GEMIN2: variants seen among roughly 807,000 people sequenced by gnomAD.
GEMIN2 encodes the protein gem nuclear organelle associated protein 2.
A neutral mutation model predicts 45.8 loss-of-function variants in GEMIN2; 37 were observed. The observed-to-expected ratio is 0.81, with a 90% CI of 0.62 to 1.06. The LOEUF (loss-of-function observed/expected upper bound fraction) is 1.06, where lower values mean the gene tolerates loss of function less well. Ranked by LOEUF, GEMIN2 falls within the 50% of genes least tolerant of loss-of-function variation. The probability of loss-of-function intolerance (pLI) is 0.00; values close to 1 mark genes in which losing one functional copy is unlikely to be tolerated. For missense variants in GEMIN2, 335 were observed against 321.8 expected (o/e 1.04, Z -0.31); for synonymous variants, 101 against 111.5 (o/e 0.91, Z 0.60).
At position 39,134,572 on chromosome 14, in the gene GEMIN2, A is replaced by G. The variant is rs537907299; in HGVS notation, c.770+853A>G. ...TGGGAAGGCAAGTAATCTTGTTTCC[A>G]TATTTTCACATATTCAATATCTAGT... is the stretch of plus-strand genomic sequence containing the variant. On this transcript the variant is annotated intron_variant, in intron 9 of 9. Transcript: ENST00000308317. 7.2e-5 allele frequency among the ~76,000 whole-genome samples: 11 copies of G among 152,312 alleles called. No individual in the cohort carries two copies. The South Asian group carries it at 2.1e-3, about 29-fold the overall frequency.
intron 2 of GEMIN2, among the ~76,000 whole-genome samples, chr14:39,116,049 CTT>C (rs752478065): frequency 6.8e-6 from 1 of 147,820 alleles, no homozygotes; most frequent in South Asian, 2.2e-4. Flanking sequence ...CTTTTTCCCC[CTT>C]TTTTTTTTGC....
intron 7 of GEMIN2, among the ~76,000 whole-genome samples, chr14:39,128,792 C>A (rs2052679631): frequency 6.6e-6 from 1 of 151,928 alleles, no homozygotes. Context: ...CATGAGCCAC[C>A]ATGTGTGCGG....
intron 4 of GEMIN2, 42 bp downstream of exon 4, chr14:39,118,641 G>A (rs1307089644): frequency 1.2e-6 from 1 of 830,018 alleles, no homozygotes; most frequent in Non-Finnish European, 2.1e-6. Flanking sequence ...ATGTATACCT[G>A]ATTGAAAGAG....
chr14:39,124,876 C>A (rs1783969890), intron 5 of GEMIN2, 116 bp from the exon 6 acceptor site: 1 of 632,646 alleles, frequency 1.6e-6, no homozygotes, highest in Non-Finnish European at 2.8e-6. Flanking sequence ...AAAGAATTTT[C>A]TTTTATTTGT....
At chr14:39,127,789 G>A (rs2052662757) in intron 6 of GEMIN2, among the ~76,000 whole-genome samples, 1 of 152,114 alleles carries the variant, frequency 6.6e-6, no homozygotes. Context: ...CCTCACTGGG[G>A]CTAGGCGCGG....
rs1325213264 is a variant in GEMIN2 at position 39,114,488 on chromosome 14, G to T, written c.137+13G>T. On this transcript the variant is annotated intron_variant, in intron 1 of 9. Transcript: ENST00000308317. ...TGAGGCGGGTCCAGTGAGTGATTCG[G>T]CCCTGGGCGGGTGGGCTGGTCTTCT... 1.9e-6 allele frequency: 3 copies of T among 1,604,512 alleles called. No individual in the cohort carries two copies. In the African/African-American group the frequency reaches 4.0e-5, roughly 21 times the overall value.
At chr14:39,135,814 G>A (rs1594523805) in intron 9 of GEMIN2, among the ~76,000 whole-genome samples, 1 of 152,222 alleles carries the variant, frequency 6.6e-6, no homozygotes, top group East Asian at 1.9e-4. Context: ...AGGTACATTT[G>A]GAGTATTTTA....
chr14:39,120,741 C>T (rs943801950), intron 4 of GEMIN2, among the ~76,000 whole-genome samples: 1 of 152,142 alleles, frequency 6.6e-6, no homozygotes, highest in Non-Finnish European at 1.5e-5. Flanking sequence ...AATTCTCCTG[C>T]CTCAGCCTCC....
chr14:39,115,592 G>A (rs1446033285), intron 2 of GEMIN2, among the ~76,000 whole-genome samples: 1 of 151,522 alleles, frequency 6.6e-6, no homozygotes, highest in Non-Finnish European at 1.5e-5. Context: ...GAGTAGCTGG[G>A]ATTACAGGCG....
chr14:39,133,736 G>A lies in GEMIN2; in HGVS notation c.770+17G>A. On this transcript the variant is annotated intron_variant, in intron 9 of 9. Transcript: ENST00000308317. The stretch of plus-strand genomic sequence containing the variant: ...GGTTAGCAGGTATAGTTAATCCTTG[G>A]CTTCTTTATTATTTATCAGTGAGGT... The A allele has an allele frequency of 1.4e-6, 2 of 1,401,022 alleles. No individual in the cohort carries two copies. The highest frequency in any genetic ancestry group is 9.8e-7 in the Non-Finnish European group (1 of 1,019,632). The allele number at this position is 1,401,022 out of a possible 1,614,324, so 86.8% of individuals were successfully genotyped here. A position where few individuals can be genotyped will look rare whatever the true frequency, so the allele number is the denominator to read the frequency against.
rs545532527 is a variant in GEMIN2 at position 39,131,125 on chromosome 14, C to T, written c.601-833C>T. ...CCAGCCTGAACAACATGGTGAAACC[C>T]GGTCTCTATTAAAAATACAAAATTA... On this transcript the variant is annotated intron_variant, in intron 7 of 9. Transcript: ENST00000308317. Among the ~76,000 whole-genome samples the T allele has an allele frequency of 5.6e-4, 85 of 151,990 alleles. 1 individual carries two copies. Among genetic ancestry groups the T allele is most frequent in the African/African-American group, 1.7e-3 (69 of 41,452 alleles).
intron 5 of GEMIN2, among the ~76,000 whole-genome samples, chr14:39,124,751 T>C (rs954348043): frequency 6.6e-5 from 10 of 151,982 alleles, no homozygotes; most frequent in Non-Finnish European, 2.9e-5. Flanking sequence ...CCAGCCTGGG[T>C]GACAGAGTGA....
chr14:39,136,564 T>C lies in GEMIN2; in HGVS notation c.*85T>C. 1 of 1,015,540 alleles carries C rather than the reference T, an allele frequency of 9.8e-7. No individual in the cohort carries two copies. The highest frequency in any genetic ancestry group is 1.8e-5 in the Admixed American group (1 of 56,968). 62.9% of individuals were successfully genotyped at this position (1,015,540 alleles called of 1,614,324 possible). On this transcript the variant is annotated 3_prime_UTR_variant, in exon 10 of 10. Transcript: ENST00000308317. ...AAACAATGCCAATTCAAGTACAGATTTCAACACATCTTCAACACTATGTGA... is the reference window on the plus strand; with the variant it reads ...AAACAATGCCAATTCAAGTACAGATCTCAACACATCTTCAACACTATGTGA...
At position 39,114,941 on chromosome 14, in the gene GEMIN2, ACCCCCAAC is replaced by A. The variant is rs764464365; in HGVS notation, c.222+36_222+43del. ...GAGTTTTATTAACCGTCTGGAGATTACCCCCAACCCCCCAATTAAAAGACTAACGCTCT... is the reference window on the plus strand; with the variant it reads ...GAGTTTTATTAACCGTCTGGAGATTACCCCCAATTAAAAGACTAACGCTCT... On this transcript the variant is annotated intron_variant, in intron 2 of 9. Transcript: ENST00000308317. 3 of 970,866 alleles carry A rather than the reference ACCCCCAAC, an allele frequency of 3.1e-6. No homozygotes were observed. In the South Asian group the frequency reaches 3.8e-5, roughly 12 times the overall value. The allele number at this position is 970,866 out of a possible 1,614,324, so 60.1% of individuals were successfully genotyped here.
intron 6 of GEMIN2, among the ~76,000 whole-genome samples, chr14:39,125,795 G>A (rs1305574716): frequency 6.6e-6 from 1 of 151,998 alleles, no homozygotes; most frequent in Non-Finnish European, 1.5e-5. Context: ...GTCAAGGCAG[G>A]TGGATCACAA....
chr14:39,128,338 C>G lies in GEMIN2; in HGVS notation c.590C>G (p.Thr197Ser). Residue 197 changes from threonine to serine, a missense_variant, in exon 7 of 10, where the codon ACT becomes AGT. Coordinates refer to ENST00000308317, the MANE Select transcript of GEMIN2 (RefSeq NM_003616.3). The part of the protein sequence containing the change: ...LSNWFGERDF[T>S]PELGRWLYAL... ...AATTGGTTTGGAGAAAGAGACTTTA[C>G]TCCAGAATTGGTAGTATTGCATGTT... 6.4e-7 allele frequency: 1 copy of G among 1,555,428 alleles called. No homozygotes were observed. Among genetic ancestry groups the G allele is most frequent in the South Asian group, 1.1e-5 (1 of 88,220 alleles).
chr14:39,127,090 C>CTT (rs35988558), intron 6 of GEMIN2, among the ~76,000 whole-genome samples: 182 of 124,520 alleles, frequency 1.5e-3, no homozygotes, highest in Middle Eastern at 4.5e-3. Context: ...ACAAATACAT[C>CTT]TTTTTTTTTT....
chr14:39,134,596 G>A (rs1047759739), intron 9 of GEMIN2, among the ~76,000 whole-genome samples: 10 of 152,034 alleles, frequency 6.6e-5, no homozygotes, highest in Non-Finnish European at 1.5e-4. Flanking sequence ...TCAATATCTA[G>A]TTTCTTGATC....
intron 7 of GEMIN2, among the ~76,000 whole-genome samples, chr14:39,130,935 T>C (rs983288417): frequency 1.3e-5 from 2 of 151,392 alleles, no homozygotes; most frequent in Non-Finnish European, 2.9e-5. Context: ...ATGGTAAACA[T>C]TTTATTATGT....
Sources: allele counts gnomAD v4.1 joint callset (sites outside exome capture counted in the v4.1 genomes callset), GRCh38; gene constraint gnomAD v4.1.1; transcripts MANE v1.5; gene names NCBI Gene and HGNC (gene_info 2026-07-23, HGNC 2026-07-21).